Variants in RASA3 observed in about 807,000 individuals in gnomAD.
RASA3 encodes RAS p21 protein activator 3.
RASA3 carries 73 observed loss-of-function variants against 110.0 expected under a neutral mutation model. The ratio of observed to expected loss-of-function variants is 0.66; its 90% CI spans 0.55 to 0.81. RASA3 has a LOEUF of 0.81. Among genes scored for constraint, RASA3 ranks in the 30% least tolerant of loss-of-function variants. RASA3 has a pLI of 0.00. For missense variants in RASA3, 976 were observed against 1,113.2 expected (o/e 0.88, Z 1.75); for synonymous variants, 500 against 451.4 (o/e 1.11, Z -1.37).
chr13:114,023,871 G>C (rs1010083153), intron 8 of RASA3, among the ~76,000 whole-genome samples: 1 of 152,238 alleles, frequency 6.6e-6, no homozygotes, highest in African/African-American at 2.4e-5. Context: ...CCACCCAGCC[G>C]AGAGTTTCAG....
chr13:114,033,790 G>A (rs77261640), intron 4 of RASA3, among the ~76,000 whole-genome samples: 3,067 of 152,364 alleles, frequency 0.02, 37 homozygotes, highest in Non-Finnish European at 0.031. Flanking sequence ...AGACTCTGGG[G>A]TCTGGAGGTT....
At chr13:114,021,665 C>T (rs1168557013) in intron 8 of RASA3, among the ~76,000 whole-genome samples, 157 bp from the exon 9 acceptor site, 1 of 152,166 alleles carries the variant, frequency 6.6e-6, no homozygotes, top group African/African-American at 2.4e-5. Context: ...GTTTCAAACA[C>T]GTCAGACCAG....
At chr13:114,108,081 G>A (rs941537140) in intron 1 of RASA3, among the ~76,000 whole-genome samples, 4 of 151,926 alleles carry the variant, frequency 2.6e-5, no homozygotes, top group African/African-American at 4.8e-5. Flanking sequence ...GGACCTCTCC[G>A]AGCCTTTCTC....
rs142194389 is a variant in RASA3, at chr13:114,124,346, C to T, written c.55+8089G>A. Reference sequence around the variant, plus strand: ...TTTCAGACACTCATAGAACAAGGAACTACTATTTTTGAGAAAATACTCACA... The same window carrying T: ...TTTCAGACACTCATAGAACAAGGAATTACTATTTTTGAGAAAATACTCACA... On this transcript the variant is annotated intron_variant, in intron 1 of 23. Transcript: ENST00000334062. 2.7e-3 allele frequency among the ~76,000 whole-genome samples: 413 copies of T among 152,388 alleles called. 1 individual carries two copies. The highest frequency in any genetic ancestry group is 9.6e-3 in the African/African-American group (400 of 41,594).
Position 114,000,835 on chromosome 13 carries a change from T to G in RASA3, c.1840A>C (p.Lys614Gln). Residue 614 changes from lysine to glutamine, a missense_variant, in exon 19 of 24, where the codon AAA becomes CAA. By Grantham distance (53) the Lys-to-Gln change is moderately conservative. Coordinates refer to ENST00000334062, the MANE Select transcript of RASA3 (RefSeq NM_007368.4). ...CGACCTTGCTCCTTACCTTTGCTTT[T>G]GTGGTAGGTAAATTCATGGTTGGTC... The part of the protein sequence containing the change: ...RLTNHEFTYH[K>Q]SKGDQPLYSI... 6.2e-7 allele frequency: 1 copy of G among 1,608,910 alleles called. No individual in the cohort carries two copies. Among genetic ancestry groups the G allele is most frequent in the Non-Finnish European group, 8.5e-7 (1 of 1,175,322 alleles).
intron 8 of RASA3, 29 bp from the exon 9 acceptor site, chr13:114,021,537 C>T (rs774021233): frequency 6.0e-5 from 96 of 1,598,456 alleles, no homozygotes; most frequent in Non-Finnish European, 8.1e-5. Context: ...ACAGCTCTAG[C>T]TGACGGCGGG....
At chr13:114,093,387 A>T (rs1487732254) in intron 1 of RASA3, among the ~76,000 whole-genome samples, 1 of 151,784 alleles carries the variant, frequency 6.6e-6, no homozygotes, top group African/African-American at 2.4e-5. Context: ...ATATCATCCC[A>T]CTCCCTCCTG....
Position 114,023,019 on chromosome 13 carries a change from C to T in RASA3, c.680+1260G>A, listed in dbSNP as rs577464607. Among the ~76,000 whole-genome samples the T allele has an allele frequency of 5.3e-5, 8 of 152,320 alleles. 1 individual carries two copies. In the South Asian group the frequency reaches 1.7e-3, roughly 32 times the overall value. ...AGACAACTATGGGGGACGGATCTGA[C>T]CGATAACATCAGGGACATTCCTACA... On this transcript the variant is annotated intron_variant, in intron 8 of 23. Transcript: ENST00000334062.
intron 22 of RASA3, among the ~76,000 whole-genome samples, chr13:113,982,152 G>C (rs1205957211): frequency 1.3e-5 from 2 of 152,192 alleles, no homozygotes. Context: ...TCACCAATCA[G>C]CCATTCTCAC....
chr13:114,076,733 T>A (rs1322442102), intron 1 of RASA3, among the ~76,000 whole-genome samples: 1 of 150,846 alleles, frequency 6.6e-6, no homozygotes, highest in African/African-American at 2.4e-5. Context: ...TGGCCGCGGC[T>A]GCCCCTGAAT....
chr13:114,108,306 C>T (rs947005794), intron 1 of RASA3, among the ~76,000 whole-genome samples: 4 of 116,068 alleles, frequency 3.4e-5, no homozygotes, highest in Non-Finnish European at 5.6e-5. Context: ...CCATGTCTGT[C>T]ACCCTGAAAC....
chr13:114,059,292 C>T (rs1019394300), intron 2 of RASA3, among the ~76,000 whole-genome samples: 2 of 152,240 alleles, frequency 1.3e-5, no homozygotes, highest in African/African-American at 2.4e-5. Context: ...CTGCTCCCCC[C>T]AACCTAATTC....
intron 1 of RASA3, among the ~76,000 whole-genome samples, chr13:114,131,740 GCA>G (rs2080522853): frequency 6.6e-6 from 1 of 151,340 alleles, no homozygotes; most frequent in South Asian, 2.1e-4. Context: ...ACAAACGCGC[GCA>G]CACACACGCG....
chr13:114,047,518 C>T (rs2079072745), intron 3 of RASA3, among the ~76,000 whole-genome samples: 1 of 152,318 alleles, frequency 6.6e-6, no homozygotes, highest in South Asian at 2.1e-4. Context: ...AAACACACAC[C>T]CTACAGTGAC....
rs924924371 is a variant in RASA3 at position 114,115,833 on chromosome 13, G to T, written c.55+16602C>A. On this transcript the variant is annotated intron_variant, in intron 1 of 23. Coordinates refer to ENST00000334062, the MANE Select transcript of RASA3 (RefSeq NM_007368.4). This position sits in a 1 kb window ranked among gnomAD's most constrained non-coding sequence, Gnocchi z 5.0. ...CGTTGCTACAGATGTATGTGTTTGT[G>T]TGAAGCTGTATTTAAATGTGAGATT... 1.3e-5 allele frequency among the ~76,000 whole-genome samples: 2 copies of T among 152,228 alleles called. No individual in the cohort carries two copies. Among genetic ancestry groups the T allele is most frequent in the African/African-American group, 2.4e-5 (1 of 41,454 alleles).
chr13:114,053,525 T>A (rs1429953224), intron 2 of RASA3, among the ~76,000 whole-genome samples: 1 of 152,214 alleles, frequency 6.6e-6, no homozygotes, highest in African/African-American at 2.4e-5. Context: ...GAGGAACCAT[T>A]CTGATAGAAA....
At chr13:114,033,295 C>T (rs1343715681) in intron 4 of RASA3, among the ~76,000 whole-genome samples, 2 of 85,370 alleles carry the variant, frequency 2.3e-5, no homozygotes, top group African/African-American at 4.9e-5. Flanking sequence ...TGACAACACG[C>T]CCCACGGCAC....
chr13:114,046,835 G>A (rs536223920), intron 3 of RASA3, among the ~76,000 whole-genome samples: 1 of 152,320 alleles, frequency 6.6e-6, no homozygotes, highest in Non-Finnish European at 1.5e-5. Flanking sequence ...ACGGAGGAAG[G>A]GTCGTCTTTC....
At chr13:114,039,225 G>A (rs576907596) in intron 4 of RASA3, among the ~76,000 whole-genome samples, 1 of 152,166 alleles carries the variant, frequency 6.6e-6, no homozygotes, top group African/African-American at 2.4e-5. Context: ...CCCATACTCA[G>A]ACACTCACCC....
Sources: allele counts gnomAD v4.1 joint callset (sites outside exome capture counted in the v4.1 genomes callset), GRCh38; gene constraint gnomAD v4.1.1; non-coding constraint Gnocchi (gnomAD v3.1); transcripts MANE v1.5; gene names NCBI Gene and HGNC (gene_info 2026-07-23, HGNC 2026-07-21).